Variants in RAD54L2 observed in about 807,000 individuals in gnomAD.
The protein encoded by RAD54L2 is RAD54 like 2, also known as helicase ARIP4.
RAD54L2 carries 27 observed loss-of-function variants against 138.4 expected under a neutral mutation model. That is an observed-to-expected ratio of 0.20 (90% CI 0.14 to 0.27). RAD54L2 has a LOEUF of 0.27. Ranked by LOEUF, RAD54L2 falls within the 10% of genes least tolerant of loss-of-function variation. The pLI is 1.00. For missense variants in RAD54L2, 1,396 were observed against 1,890.2 expected (o/e 0.74, Z 4.85); for synonymous variants, 644 against 723.2 (o/e 0.89, Z 1.76).
At chr3:51,575,325 A>G (rs891220183) in intron 2 of RAD54L2, among the ~76,000 whole-genome samples, 1 of 152,198 alleles carries the variant, frequency 6.6e-6, no homozygotes, top group Non-Finnish European at 1.5e-5. Flanking sequence ...TGTCTTGGCA[A>G]TGCAGGCTCT....
intron 13 of RAD54L2, 73 bp downstream of exon 13, chr3:51,639,743 G>A (rs1238868723): frequency 2.5e-6 from 4 of 1,578,030 alleles, no homozygotes; most frequent in Non-Finnish European, 3.5e-6. Context: ...GCCTGGGGAA[G>A]GGGTAGGGAT....
intron 6 of RAD54L2, 28 bp from the exon 7 acceptor site, chr3:51,630,677 T>C (rs370437224): frequency 6.3e-7 from 1 of 1,578,878 alleles, no homozygotes; most frequent in African/African-American, 1.3e-5. Flanking sequence ...CCCTGGATTT[T>C]TGGTTTTGCT....
intron 3 of RAD54L2, among the ~76,000 whole-genome samples, chr3:51,614,002 T>C (rs1700390287): frequency 6.6e-6 from 1 of 152,162 alleles, no homozygotes; most frequent in South Asian, 2.1e-4. Flanking sequence ...TGAGGATAGC[T>C]TCTCCCACCA....
At chr3:51,625,643 G>A (rs1479516624) in intron 3 of RAD54L2, among the ~76,000 whole-genome samples, 1 of 152,034 alleles carries the variant, frequency 6.6e-6, no homozygotes, top group Non-Finnish European at 1.5e-5. Flanking sequence ...AGGATCACTT[G>A]AGGCCAGGAG....
At chr3:51,579,451 C>A (rs940829261) in intron 2 of RAD54L2, among the ~76,000 whole-genome samples, 1 of 152,116 alleles carries the variant, frequency 6.6e-6, no homozygotes, top group African/African-American at 2.4e-5. Flanking sequence ...TATCCTAATT[C>A]TCATTATCAG....
chr3:51,628,450 G>A (rs1353577456), intron 4 of RAD54L2, among the ~76,000 whole-genome samples: 1 of 151,976 alleles, frequency 6.6e-6, no homozygotes, highest in Non-Finnish European at 1.5e-5. Flanking sequence ...GAGTGCAGTG[G>A]CGTGATCTTG....
At chr3:51,570,526 G>T (rs914733835) in intron 2 of RAD54L2, among the ~76,000 whole-genome samples, 1 of 148,742 alleles carries the variant, frequency 6.7e-6, no homozygotes, top group African/African-American at 2.5e-5. Context: ...GCGCGATCTC[G>T]GCTCACTGCA....
chr3:51,557,849 AAAAAAG>A (rs1428196550), intron 2 of RAD54L2, among the ~76,000 whole-genome samples: 19 of 151,364 alleles, frequency 1.3e-4, no homozygotes, highest in Admixed American at 9.3e-4. Context: ...AAAAAAAAAA[AAAAAAG>A]AACATTCTAT....
At chr3:51,620,437 T>C (rs1276520533) in intron 3 of RAD54L2, among the ~76,000 whole-genome samples, 1 of 149,732 alleles carries the variant, frequency 6.7e-6, no homozygotes, top group East Asian at 1.9e-4. Flanking sequence ...TTTTTAACTT[T>C]TAGGTTCAGG....
chr3:51,595,753 CCT>C, intron 3 of RAD54L2, among the ~76,000 whole-genome samples: 1 of 151,194 alleles, frequency 6.6e-6, no homozygotes, highest in Non-Finnish European at 1.5e-5. Context: ...TTTTCATCCC[CCT>C]CTTTTTCTTT....
chr3:51,661,988 T>G (rs1179002925), intron 22 of RAD54L2, among the ~76,000 whole-genome samples: 1 of 152,208 alleles, frequency 6.6e-6, no homozygotes, highest in Non-Finnish European at 1.5e-5. Context: ...AGATTTCCCA[T>G]TTGTCCCAGT....
At chr3:51,554,086 C>T (rs1442033449) in intron 2 of RAD54L2, among the ~76,000 whole-genome samples, 1 of 152,016 alleles carries the variant, frequency 6.6e-6, no homozygotes, top group East Asian at 1.9e-4. Context: ...CAAAATAAGA[C>T]AACAGTGAAA....
chr3:51,608,775 A>G (rs936017958), intron 3 of RAD54L2, among the ~76,000 whole-genome samples: 5 of 152,368 alleles, frequency 3.3e-5, no homozygotes, highest in African/African-American at 9.6e-5. Context: ...AGATGACGGC[A>G]GTACAGTCCA....
chr3:51,580,621 A>G (rs1471267498), intron 2 of RAD54L2, among the ~76,000 whole-genome samples: 1 of 152,186 alleles, frequency 6.6e-6, no homozygotes, highest in East Asian at 1.9e-4. Flanking sequence ...GGGGCTGATT[A>G]TAAATAACAA....
At chr3:51,654,736 G>C (rs1204601056) in intron 19 of RAD54L2, among the ~76,000 whole-genome samples, 1 of 152,084 alleles carries the variant, frequency 6.6e-6, no homozygotes, top group Non-Finnish European at 1.5e-5. Context: ...TGTGACAAAT[G>C]GTCCAGACTA....
intron 19 of RAD54L2, among the ~76,000 whole-genome samples, chr3:51,654,562 T>C (rs1701548701): frequency 6.6e-6 from 1 of 152,180 alleles, no homozygotes; most frequent in African/African-American, 2.4e-5. Context: ...TCAGGCTTTA[T>C]TTCTGTCATT....
At chr3:51,604,265 C>T (rs913845516) in intron 3 of RAD54L2, among the ~76,000 whole-genome samples, 2 of 152,052 alleles carry the variant, frequency 1.3e-5, no homozygotes, top group African/African-American at 2.4e-5. Flanking sequence ...TGGAATCCAT[C>T]GTTTAGGTTT....
chr3:51,591,646 T>C (rs1172229810), intron 3 of RAD54L2, among the ~76,000 whole-genome samples: 4 of 152,316 alleles, frequency 2.6e-5, no homozygotes, highest in South Asian at 4.1e-4. Flanking sequence ...TGCTAGCTTA[T>C]TCAGTTGGAG....
intron 3 of RAD54L2, among the ~76,000 whole-genome samples, chr3:51,608,311 C>T (rs1004163055): frequency 3.3e-5 from 5 of 151,882 alleles, no homozygotes; most frequent in African/African-American, 9.7e-5. Context: ...GATGGGATGA[C>T]GGCCGGGAAG....
Sources: allele counts gnomAD v4.1 joint callset (sites outside exome capture counted in the v4.1 genomes callset), GRCh38; gene constraint gnomAD v4.1.1; transcripts MANE v1.5; gene names NCBI Gene and HGNC (gene_info 2026-07-23, HGNC 2026-07-21).